Variants in CEP78 observed in about 807,000 individuals in gnomAD.
The protein encoded by CEP78 is centrosomal protein of 78 kDa.
A neutral mutation model predicts 81.2 loss-of-function variants in CEP78; 76 were observed. The ratio of observed to expected loss-of-function variants is 0.94; its 90% confidence interval spans 0.78 to 1.13. The LOEUF is 1.13. CEP78 is among the 50% of genes most tolerant of loss of function. The probability of loss-of-function intolerance (pLI) is 0.00; values close to 1 mark genes in which losing one functional copy is unlikely to be tolerated. For missense variants in CEP78, 918 were observed against 846.8 expected, an observed-to-expected ratio of 1.08 and a Z score of -1.04; for synonymous variants, 293 against 301.4, an observed-to-expected ratio of 0.97 and a Z score of 0.29.
intron 11 of CEP78, among the ~76,000 whole-genome samples, chr9:78,259,818 A>G (rs552670997): frequency 6.6e-6 from 1 of 152,372 alleles, no homozygotes; most frequent in East Asian, 1.9e-4. Context: ...AAAATAACCT[A>G]AAAGAGAAAT....
At position 78,278,107 on chromosome 9, in the gene CEP78, G is replaced by T. The variant is rs1587622157; in HGVS notation, c.*7256G>T. 2.0e-5 allele frequency: 3 copies of T among 150,718 alleles called. No homozygotes were observed. Among genetic ancestry groups the T allele is most frequent in the Admixed American group, 1.3e-4 (2 of 15,222 alleles). The allele number at this position is 150,718 out of a possible 1,614,324, so 9.3% of individuals were successfully genotyped here. A position where few individuals can be genotyped will look rare whatever the true frequency, so the allele number is the denominator to read the frequency against. On this transcript the variant is annotated 3_prime_UTR_variant, in exon 17 of 17. Coordinates refer to ENST00000643273, the MANE Select transcript of CEP78 (RefSeq NM_001330691.3). ...TTTTGTCTGCTGAAGGAGGAAAAAA[G>T]GGGGGCTTCTCACATTTTACTCCAT...
chr9:78,248,428 C>A, intron 7 of CEP78, 73 bp downstream of exon 7: 2 of 969,850 alleles, frequency 2.1e-6, no homozygotes, highest in South Asian at 1.4e-5. Context: ...ACTGTACTGC[C>A]CAGCCTGGCC....
At chr9:78,255,915 T>C (rs1826999591) in intron 11 of CEP78, among the ~76,000 whole-genome samples, 1 of 152,212 alleles carries the variant, frequency 6.6e-6, no homozygotes. Context: ...CTAAAAGTGA[T>C]TATAGCCATT....
chr9:78,263,830 A>T (rs1370373117), intron 12 of CEP78, among the ~76,000 whole-genome samples: 1 of 152,160 alleles, frequency 6.6e-6, no homozygotes, highest in African/African-American at 2.4e-5. Flanking sequence ...CTTACTCTTT[A>T]TTTCATTGTC....
In CEP78 at chr9:78,240,184, A is replaced by C. The variant is rs895593378; in HGVS notation, c.415A>C (p.Ile139Leu). ...AATTCTGAGAGAGAGGGATTTAACT[A>C]TTCTAGCAAAGGTAAGCTTTGTCTC... ...GLILRERDLT[I>L]LAKGLNKSAS... The change falls in exon 2 of 17, where the codon ATT becomes CTT. Residue 139 changes from isoleucine (I) to leucine (L), a missense_variant. Ile to Leu is a conservative substitution (Grantham distance 5). Coordinates refer to ENST00000643273, the MANE Select transcript of CEP78 (RefSeq NM_001330691.3). 7 of 1,605,578 alleles carry C rather than the reference A, an allele frequency of 4.4e-6. No homozygotes were observed. The Admixed American group carries it at 6.9e-5, about 16-fold the overall frequency.
chr9:78,257,723 A>G (rs1013500130), intron 11 of CEP78, among the ~76,000 whole-genome samples: 1 of 152,198 alleles, frequency 6.6e-6, no homozygotes, highest in African/African-American at 2.4e-5. Context: ...CTGATGTACA[A>G]AAGGGAAAAA....
At chr9:78,255,224 A>G (rs1178792753) in intron 11 of CEP78, among the ~76,000 whole-genome samples, 1 of 152,198 alleles carries the variant, frequency 6.6e-6, no homozygotes, top group South Asian at 2.1e-4. Context: ...AATTAGATTT[A>G]GGGAAGGCCT....
At position 78,246,724 on chromosome 9, in the gene CEP78, G is replaced by A. The variant is rs541626020; in HGVS notation, c.834G>A (p.Glu278=). The A allele has an allele frequency of 2.5e-6, 4 of 1,611,530 alleles. No individual in the cohort carries two copies. The highest frequency in any genetic ancestry group is 1.1e-5 in the South Asian group (1 of 90,636). The change falls in exon 6 of 17, where the codon GAG becomes GAA. Residue 278 remains glutamate, a synonymous_variant. Transcript: ENST00000643273. ...LTNEGAKALL[E]ALETNTTLVV... ...ATGAAGGAGCAAAGGCTTTGCTAGA[G>A]GCCCTTGAAACCAATACAACTCTGG...
At position 78,260,072 on chromosome 9, in the gene CEP78, C is replaced by A. The variant is rs568728273; in HGVS notation, c.1381-2835C>A. On this transcript the variant is annotated intron_variant, in intron 11 of 16. Transcript: ENST00000643273. ...ATACTTCCTTCTCTTGAATATCTTG[C>A]ACTTTAAGTGGGAAGGTAAGTCAAC... is the stretch of plus-strand genomic sequence containing the variant. Among the ~76,000 whole-genome samples, 3 of 152,258 alleles carry A rather than the reference C, an allele frequency of 2.0e-5. No individual in the cohort carries two copies. In the East Asian group the frequency reaches 5.8e-4, roughly 29 times the overall value.
At chr9:78,246,322 G>A (rs1215524034) in intron 5 of CEP78, among the ~76,000 whole-genome samples, 4 of 152,126 alleles carry the variant, frequency 2.6e-5, no homozygotes, top group African/African-American at 7.2e-5. Flanking sequence ...AGAATTGGCC[G>A]GGCGAGGTGG....
chr9:78,248,954 T>A, intron 8 of CEP78, 81 bp downstream of exon 8: 1 of 628,788 alleles, frequency 1.6e-6, no homozygotes, highest in Non-Finnish European at 2.7e-6. Flanking sequence ...TTGTATGATA[T>A]TGACAGTAAC....
intron 11 of CEP78, 50 bp downstream of exon 11, chr9:78,255,014 G>A (rs760891723): frequency 2.7e-5 from 42 of 1,530,714 alleles, no homozygotes; most frequent in Non-Finnish European, 3.6e-5. Context: ...TCAAACTCTA[G>A]TTAGTTTTTG....
At chr9:78,259,054 A>G (rs1376392293) in intron 11 of CEP78, among the ~76,000 whole-genome samples, 1 of 152,242 alleles carries the variant, frequency 6.6e-6, no homozygotes, top group East Asian at 1.9e-4. Context: ...CATTATTTGT[A>G]ATAGTCCAAC....
Position 78,236,216 on chromosome 9 carries a change from G to A in CEP78, c.-135G>A. The A allele has an allele frequency of 1.3e-6, 1 of 751,948 alleles. No individual in the cohort carries two copies. Among genetic ancestry groups the A allele is most frequent in the Non-Finnish European group, 2.1e-6 (1 of 485,246 alleles). The allele number at this position is 751,948 out of a possible 1,614,324, so 46.6% of individuals were successfully genotyped here. On this transcript the variant is annotated 5_prime_UTR_variant, in exon 1 of 17. Coordinates refer to ENST00000643273, the MANE Select transcript of CEP78 (RefSeq NM_001330691.3). ...CCTTGCGTCTTCCGACCGAATCACC[G>A]CTCCTGAGCCCGGTGCGGGGCTGCC...
At chr9:78,257,533 G>T (rs891126298) in intron 11 of CEP78, among the ~76,000 whole-genome samples, 3 of 152,156 alleles carry the variant, frequency 2.0e-5, no homozygotes, top group African/African-American at 7.2e-5. Flanking sequence ...TCCATTGGTT[G>T]TGTGACTGAG....
chr9:78,275,036 A>C lies in CEP78; in HGVS notation c.*4185A>C, dbSNP rs931761312. 1.1e-4 allele frequency: 16 copies of C among 152,200 alleles called. No homozygotes were observed. Among genetic ancestry groups the C allele is most frequent in the African/African-American group, 3.4e-4 (14 of 41,464 alleles). 9.4% of individuals were successfully genotyped at this position (152,200 alleles called of 1,614,324 possible). On this transcript the variant is annotated 3_prime_UTR_variant, in exon 17 of 17. Coordinates refer to ENST00000643273, the MANE Select transcript of CEP78 (RefSeq NM_001330691.3). ...AAAAATGAAAGATAAACCTTTGTAAAATATGATAAAGAAAAAAAAGCAAGA... is the reference window on the plus strand; with the variant it reads ...AAAAATGAAAGATAAACCTTTGTAACATATGATAAAGAAAAAAAAGCAAGA...
At chr9:78,246,895 T>C (rs989884873) in intron 6 of CEP78, 113 bp downstream of exon 6, 2 of 571,822 alleles carry the variant, frequency 3.5e-6, no homozygotes, top group South Asian at 2.4e-5. Context: ...CTTACACTTT[T>C]GTAATCTTGC....
rs1022515514 is a variant in CEP78, at chr9:78,272,296, G to C, written c.*1445G>C. ...CCACCTTGGCCTCCCAAAGTGCTGA[G>C]ACTACAGACCTGAGCCACTGTGCCC... is the stretch of plus-strand genomic sequence containing the variant. On this transcript the variant is annotated 3_prime_UTR_variant, in exon 17 of 17. Transcript: ENST00000643273. The C allele has an allele frequency of 6.6e-6, 1 of 152,368 alleles. No individual in the cohort carries two copies. The highest frequency in any genetic ancestry group is 1.5e-5 in the Non-Finnish European group (1 of 68,214). The allele number at this position is 152,368 out of a possible 1,614,324, so 9.4% of individuals were successfully genotyped here. A position where few individuals can be genotyped will look rare whatever the true frequency, so the allele number is the denominator to read the frequency against.
At chr9:78,242,726 T>C (rs540964602) in intron 4 of CEP78, among the ~76,000 whole-genome samples, 6 of 152,208 alleles carry the variant, frequency 3.9e-5, no homozygotes, top group East Asian at 1.9e-4. Flanking sequence ...GATTTTTTTT[T>C]CTCTTAAAAT....
Sources: gnomAD v4.1 joint callset for allele counts (sites outside exome capture counted in the v4.1 genomes callset) on GRCh38, gnomAD v4.1.1 for gene constraint, MANE v1.5 for transcripts, NCBI Gene and HGNC (gene_info 2026-07-23, HGNC 2026-07-21) for gene names.